Variants in BICD1 observed in about 807,000 individuals in gnomAD.
The protein encoded by BICD1 is BICD cargo adaptor 1.
BICD1 carries 35 observed loss-of-function variants against 92.5 expected under a neutral mutation model. That is an observed-to-expected ratio of 0.38 (90% CI 0.29 to 0.50). BICD1 has a LOEUF of 0.50. Ranked by LOEUF, BICD1 falls within the 20% of genes least tolerant of loss-of-function variation. The pLI is 0.93. For missense variants in BICD1, 950 were observed against 1,189.8 expected, an observed-to-expected ratio of 0.80 and a Z score of 2.97; for synonymous variants, 429 against 465.1, an observed-to-expected ratio of 0.92 and a Z score of 1.00.
chr12:32,239,205 C>T (rs1376460836), intron 2 of BICD1, among the ~76,000 whole-genome samples: 2 of 144,986 alleles, frequency 1.4e-5, no homozygotes, highest in Non-Finnish European at 3.0e-5. Flanking sequence ...CAAGATTGCA[C>T]CACTGCACTG....
rs1940192037 is a variant in BICD1 at position 32,381,870 on chromosome 12, T to C, written c.*4243T>C. 6.6e-6 allele frequency: 1 copy of C among 152,158 alleles called. No homozygotes were observed. Among genetic ancestry groups the C allele is most frequent in the Non-Finnish European group, 1.5e-5 (1 of 67,980 alleles). 9.4% of individuals were successfully genotyped at this position (152,158 alleles called of 1,614,324 possible). On this transcript the variant is annotated 3_prime_UTR_variant, in exon 10 of 10. Transcript: ENST00000652176. ...ACTAGAGTGATTTTTAAGTAACCCT[T>C]ATATTTAAGGCTGCAAAAAATGTAC...
intron 8 of BICD1, among the ~76,000 whole-genome samples, chr12:32,349,013 A>T (rs981737971): frequency 1.3e-5 from 2 of 152,044 alleles, no homozygotes; most frequent in Non-Finnish European, 2.9e-5. Flanking sequence ...CTAGCCTACA[A>T]CACCAAATCC....
chr12:32,346,973 C>T (rs1340924028), intron 8 of BICD1, among the ~76,000 whole-genome samples: 1 of 135,488 alleles, frequency 7.4e-6, no homozygotes, highest in Non-Finnish European at 1.6e-5. Context: ...TTTTTTAAGA[C>T]AGAATCTTGC....
At chr12:32,298,897 A>T (rs989855961) in intron 3 of BICD1, among the ~76,000 whole-genome samples, 4 of 151,614 alleles carry the variant, frequency 2.6e-5, no homozygotes, top group Non-Finnish European at 4.4e-5. Context: ...AAAGAATATC[A>T]TAAGGTAATA....
At chr12:32,330,562 TTAAAG>T (rs1374806008) in intron 5 of BICD1, among the ~76,000 whole-genome samples, 1 of 147,690 alleles carries the variant, frequency 6.8e-6, no homozygotes, top group African/African-American at 2.5e-5. Flanking sequence ...ACCCTAGAAC[TTAAAG>T]TAAATTAAAA....
At chr12:32,315,213 C>T (rs1204545287) in intron 4 of BICD1, among the ~76,000 whole-genome samples, 1 of 152,208 alleles carries the variant, frequency 6.6e-6, no homozygotes, top group Admixed American at 6.5e-5. Context: ...AAAGACTATT[C>T]TATTCTTTCT....
intron 1 of BICD1, chr12:32,109,679 A>C (rs1035818406): frequency 6.6e-6 from 1 of 151,986 alleles, no homozygotes; most frequent in Non-Finnish European, 1.5e-5. Context: ...ACTGGTTTAT[A>C]CAGTTATATA....
intron 9 of BICD1, chr12:32,367,966 C>T: frequency 2.0e-6 from 1 of 507,868 alleles, no homozygotes. Context: ...AGCTGGTAGA[C>T]TCTACAGGCT....
At chr12:32,275,662 C>CCACTG (rs1565635127) in intron 2 of BICD1, among the ~76,000 whole-genome samples, 1 of 152,026 alleles carries the variant, frequency 6.6e-6, no homozygotes, top group Non-Finnish European at 1.5e-5. Flanking sequence ...CTGCTGTTTG[C>CCACTG]CACTGTCGCA....
Position 32,182,749 on chromosome 12 carries a change from T to A in BICD1, c.214-33498T>A, listed in dbSNP as rs1050474197. 2.0e-4 allele frequency among the ~76,000 whole-genome samples: 31 copies of A among 151,930 alleles called. 1 individual carries two copies. The highest frequency in any genetic ancestry group is 7.5e-4 in the African/African-American group (31 of 41,528). ...TTTATAAAAGTATGAGAAATTGCTT[T>A]GAGAAAATCAAAGGGTTAGAAATAA... On this transcript the variant is annotated intron_variant, in intron 1 of 9. Coordinates refer to ENST00000652176, the MANE Select transcript of BICD1 (RefSeq NM_001714.4).
intron 2 of BICD1, among the ~76,000 whole-genome samples, chr12:32,252,352 C>T (rs1302023702): frequency 6.6e-6 from 1 of 151,302 alleles, no homozygotes. Context: ...CGATTCACAT[C>T]AAAGATGTGA....
chr12:32,312,634 T>C (rs80001404), intron 4 of BICD1, among the ~76,000 whole-genome samples: 11,825 of 152,252 alleles, frequency 0.078, 513 homozygotes, highest in Middle Eastern at 0.13. Flanking sequence ...TTTTACTGAA[T>C]TGTATGCCTT....
At chr12:32,314,509 T>C (rs1948451834) in intron 4 of BICD1, among the ~76,000 whole-genome samples, 1 of 152,254 alleles carries the variant, frequency 6.6e-6, no homozygotes, top group Non-Finnish European at 1.5e-5. Flanking sequence ...TCTTGACTTG[T>C]ATTTCCTTGA....
chr12:32,156,898 CAAACAGG>C (rs1943454229), intron 1 of BICD1, among the ~76,000 whole-genome samples: 1 of 152,142 alleles, frequency 6.6e-6, no homozygotes, highest in Non-Finnish European at 1.5e-5. Flanking sequence ...TTCTCCTCTC[CAAACAGG>C]AAAATTCTGT....
intron 8 of BICD1, among the ~76,000 whole-genome samples, chr12:32,356,488 C>T (rs1024388766): frequency 3.3e-5 from 5 of 151,820 alleles, no homozygotes; most frequent in African/African-American, 1.2e-4. Context: ...CCTGTCTCTA[C>T]AAAAGTTTTA....
chr12:32,171,115 A>T (rs986314683), intron 1 of BICD1, among the ~76,000 whole-genome samples: 10 of 152,238 alleles, frequency 6.6e-5, no homozygotes, highest in Non-Finnish European at 1.2e-4. Context: ...CCTCCTGGGG[A>T]TGCCTCTCAA....
chr12:32,208,097 T>C (rs540469247), intron 1 of BICD1, among the ~76,000 whole-genome samples: 2 of 152,366 alleles, frequency 1.3e-5, no homozygotes, highest in East Asian at 3.9e-4. Context: ...CTGATATCCT[T>C]GCCTTTTAGG....
intron 1 of BICD1, among the ~76,000 whole-genome samples, chr12:32,188,591 A>T (rs1258257930): frequency 1.3e-5 from 2 of 152,256 alleles, no homozygotes; most frequent in African/African-American, 4.8e-5. Context: ...TAGTTTGAAG[A>T]GAGACAGAGT....
chr12:32,222,528 T>G lies in BICD1; in HGVS notation c.426+6069T>G, dbSNP rs191076337. Among the ~76,000 whole-genome samples the G allele has an allele frequency of 4.7e-3, 711 of 152,306 alleles. 4 individuals are homozygous for G. Among genetic ancestry groups the G allele is most frequent in the African/African-American group, 0.016 (684 of 41,554 alleles). On this transcript the variant is annotated intron_variant, in intron 2 of 9. Transcript: ENST00000652176. ...GAACTCAGGAACACTGGCTCTGATG[T>G]GCCATTCTTTGCCATGTCACCGTAG...
Sources: gnomAD v4.1 joint callset for allele counts (sites outside exome capture counted in the v4.1 genomes callset) on GRCh38, gnomAD v4.1.1 for gene constraint, MANE v1.5 for transcripts, NCBI Gene and HGNC (gene_info 2026-07-23, HGNC 2026-07-21) for gene names.